ARHGEF2: variants seen among roughly 807,000 people sequenced by gnomAD.
The protein encoded by ARHGEF2 is Rho/Rac guanine nucleotide exchange factor 2, also known as rho guanine nucleotide exchange factor 2.
In ARHGEF2, 22 loss-of-function variants were observed where a neutral mutation model predicts 121.0. The observed-to-expected ratio is 0.18, with a 90% CI of 0.13 to 0.26. ARHGEF2 has a LOEUF of 0.26. Among genes scored for constraint, ARHGEF2 ranks in the 10% least tolerant of loss-of-function variants. ARHGEF2 has a pLI of 1.00. For synonymous variants in ARHGEF2, 487 were observed against 530.0 expected (o/e 0.92, Z 1.11); for missense variants, 907 against 1,336.0 (o/e 0.68, Z 5.01).
rs773863517 is a variant in ARHGEF2, at chr1:155,969,247, C to A, written c.117G>T (p.Gly39=). Reference sequence around the variant, plus strand: ...AAACTGAAATGGTGGTGAAGAGGTGCCCATTGGTATAGCGGGCATCCTTGG... The same window carrying A: ...AAACTGAAATGGTGGTGAAGAGGTGACCATTGGTATAGCGGGCATCCTTGG... ...KEAKDARYTN[G]HLFTTISVSG... Residue 39 remains glycine, a synonymous_variant, in exon 2 of 22, where the codon GGG becomes GGT. Coordinates refer to ENST00000361247, the MANE Select transcript of ARHGEF2 (RefSeq NM_001162383.2). 1 of 1,614,164 alleles carries A rather than the reference C, an allele frequency of 6.2e-7. No homozygotes were observed. The highest frequency in any genetic ancestry group is 1.1e-5 in the South Asian group (1 of 91,082).
chr1:155,964,950 G>T lies in ARHGEF2; in HGVS notation c.724+38C>A, dbSNP rs746177404. On this transcript the variant is annotated intron_variant, in intron 7 of 21. Coordinates refer to ENST00000361247, the MANE Select transcript of ARHGEF2 (RefSeq NM_001162383.2). ...AGAAGGAAGTAGATAAACAGGACCT[G>T]GTGAAGGAAGAGGAAGACTAGGGTG... is the stretch of plus-strand genomic sequence containing the variant. 3 of 1,587,708 alleles carry T rather than the reference G, an allele frequency of 1.9e-6. No individual in the cohort carries two copies. The South Asian group carries it at 3.4e-5, about 18-fold the overall frequency.
At chr1:155,958,194 G>C (rs2275071) in intron 12 of ARHGEF2, 126 bp downstream of exon 12, 1 of 738,540 alleles carries the variant, frequency 1.4e-6, no homozygotes, top group East Asian at 2.7e-5. Context: ...TATTATTACG[G>C]TAATAGTAAC....
At chr1:155,952,882 G>A (rs1046033560) in intron 14 of ARHGEF2, 54 bp from the exon 15 acceptor site, 82 of 1,569,952 alleles carry the variant, frequency 5.2e-5, no homozygotes, top group Admixed American at 1.7e-4. Flanking sequence ...ATGCAAGAGC[G>A]CCAGTAGAGG....
chr1:155,976,812 AGCCT>A (rs1323489236), intron 1 of ARHGEF2, among the ~76,000 whole-genome samples: 8 of 151,832 alleles, frequency 5.3e-5, no homozygotes, highest in Non-Finnish European at 7.4e-5. Context: ...GGCTGTGAAG[AGCCT>A]GTCTGCCACC....
In ARHGEF2 at chr1:155,957,706, C is replaced by A; in HGVS notation, c.1715+7G>T. 1.2e-6 allele frequency: 2 copies of A among 1,605,358 alleles called. No homozygotes were observed. The highest frequency in any genetic ancestry group is 1.7e-5 in the Admixed American group (1 of 58,620). On this transcript the variant is annotated splice_region_variant and intron_variant, in intron 13 of 21. Transcript: ENST00000361247. The stretch of plus-strand genomic sequence containing the variant: ...TAAGCACATGCAGGCGGCAGGCAGA[C>A]ACTCACGTGCGCACGCTCTGCTGAA...
intron 2 of ARHGEF2, 49 bp downstream of exon 2, chr1:155,969,107 G>C (rs763423980): frequency 1.2e-6 from 2 of 1,607,180 alleles, no homozygotes; most frequent in Admixed American, 3.3e-5. Flanking sequence ...AAAAGATCAG[G>C]GTCAGTGGGC....
chr1:155,978,838 T>G, upstream of ARHGEF2: 1 of 982,868 alleles, frequency 1.0e-6, no homozygotes, highest in Non-Finnish European at 1.2e-6. This position sits in a 1 kb window ranked among gnomAD's most constrained non-coding sequence, Gnocchi z 4.1. Flanking sequence ...GGACCCAGGT[T>G]GGCCCTTTCC....
At chr1:155,974,763 G>GGA (rs2102693759) in intron 1 of ARHGEF2, among the ~76,000 whole-genome samples, 1 of 152,182 alleles carries the variant, frequency 6.6e-6, no homozygotes, top group African/African-American at 2.4e-5. Flanking sequence ...ATCAGGTTAG[G>GGA]GACCCTGAGA....
At chr1:155,960,482 A>AAG (rs1553241983) in intron 11 of ARHGEF2, among the ~76,000 whole-genome samples, 92 of 150,080 alleles carry the variant, frequency 6.1e-4, no homozygotes, top group South Asian at 2.5e-3. Flanking sequence ...AAAAAAAAAA[A>AAG]AGAGAGAGAA....
chr1:155,979,255 G>A (rs150307879), upstream of ARHGEF2: 13 of 985,552 alleles, frequency 1.3e-5, no homozygotes, highest in Non-Finnish European at 1.6e-5. Context: ...ACTAGGTTGG[G>A]ATTCTCCACT....
At position 155,950,767 on chromosome 1, in the gene ARHGEF2, T is replaced by G; in HGVS notation, c.2703+62A>C. 6.7e-7 allele frequency: 1 copy of G among 1,482,060 alleles called. No individual in the cohort carries two copies. Among genetic ancestry groups the G allele is most frequent in the Non-Finnish European group, 9.1e-7 (1 of 1,103,744 alleles). The allele number at this position is 1,482,060 out of a possible 1,614,324, so 91.8% of individuals were successfully genotyped here. A position where few individuals can be genotyped will look rare whatever the true frequency, so the allele number is the denominator to read the frequency against. Reference sequence around the variant, plus strand: ...CTCAAATCCCCAATGGCCCAATTTCTTTCGGGCTCCATGGACCCTTATGTC... The same window carrying G: ...CTCAAATCCCCAATGGCCCAATTTCGTTCGGGCTCCATGGACCCTTATGTC... On this transcript the variant is annotated intron_variant, in intron 20 of 21. Transcript: ENST00000361247. This position sits in a 1 kb window ranked among gnomAD's most constrained non-coding sequence, Gnocchi z 5.2.
At position 155,962,307 on chromosome 1, in the gene ARHGEF2, T is replaced by C. The variant is rs1379213631; in HGVS notation, c.1102-85A>G. 5.7e-6 allele frequency: 8 copies of C among 1,404,772 alleles called. No individual in the cohort carries two copies. The highest frequency in any genetic ancestry group is 6.9e-6 in the Non-Finnish European group (7 of 1,008,650). 87.0% of individuals were successfully genotyped at this position (1,404,772 alleles called of 1,614,324 possible). The stretch of plus-strand genomic sequence containing the variant: ...CTGAGCTCTGGTGCTGGCCCTGGCG[T>C]GGCCATTTACCTCATGCTTGCCTAG... On this transcript the variant is annotated intron_variant, in intron 9 of 21. Coordinates refer to ENST00000361247, the MANE Select transcript of ARHGEF2 (RefSeq NM_001162383.2). This position sits in a 1 kb window ranked among gnomAD's most constrained non-coding sequence, Gnocchi z 5.8.
rs1414627355 is a variant in ARHGEF2, at chr1:155,951,149, C to A, written c.2383G>T (p.Val795Leu). The change falls in exon 20 of 22, where the codon GTG becomes TTG. Residue 795 changes from valine (V) to leucine (L), a missense_variant. Val to Leu is a conservative substitution (Grantham distance 32). This residue lies in a region of ARHGEF2 where 432 missense variants were observed against 559.5 expected (regional missense o/e 0.77). Coordinates refer to ENST00000361247, the MANE Select transcript of ARHGEF2 (RefSeq NM_001162383.2). This position sits in a 1 kb window ranked among gnomAD's most constrained non-coding sequence, Gnocchi z 5.1. The part of the protein sequence containing the change: ...GEAGRAGAAP[V>L]APEKQATELA... ...TCCGTGGCCTGCTTTTCAGGGGCCACAGGGGCAGCCCCAGCCCTGCCAGCC... is the reference window on the plus strand; with the variant it reads ...TCCGTGGCCTGCTTTTCAGGGGCCAAAGGGGCAGCCCCAGCCCTGCCAGCC... The A allele has an allele frequency of 6.2e-7, 1 of 1,604,380 alleles. No homozygotes were observed. The highest frequency in any genetic ancestry group is 1.7e-5 in the Admixed American group (1 of 58,834).
chr1:155,953,030 C>T (rs1457509686), intron 14 of ARHGEF2, among the ~76,000 whole-genome samples: 2 of 152,074 alleles, frequency 1.3e-5, no homozygotes, highest in East Asian at 1.9e-4. Context: ...TTTGGGAGGC[C>T]AAGGCAGGTG....
chr1:155,958,910 TG>T (rs1254875925), intron 11 of ARHGEF2, among the ~76,000 whole-genome samples: 1 of 95,942 alleles, frequency 1.0e-5, no homozygotes, highest in Non-Finnish European at 2.0e-5. Flanking sequence ...ACAGTGTGGG[TG>T]GGGGGTGGGG....
At chr1:155,973,882 AG>A (rs1258919484) in intron 1 of ARHGEF2, among the ~76,000 whole-genome samples, 1 of 152,196 alleles carries the variant, frequency 6.6e-6, no homozygotes, top group Non-Finnish European at 1.5e-5. Context: ...ATAAGGGATG[AG>A]GAAACAGTGA....
chr1:155,969,676 G>A (rs1487838815), intron 1 of ARHGEF2: 7 of 1,031,960 alleles, frequency 6.8e-6, no homozygotes, highest in South Asian at 3.9e-5. Context: ...GGGAAGATGC[G>A]CAGAGAGGAG....
In ARHGEF2 at chr1:155,957,824, T is replaced by C. The variant is rs1335519626; in HGVS notation, c.1604A>G (p.Glu535Gly). 6.2e-7 allele frequency: 1 copy of C among 1,614,216 alleles called. No homozygotes were observed. Residue 535 changes from glutamate (E) to glycine (G), a missense_variant, in exon 13 of 22, where the codon GAG (glutamate) becomes GGG (glycine). By Grantham distance (98) the Glu-to-Gly change is moderately conservative (BLOSUM62 -2). Coordinates refer to ENST00000361247, the MANE Select transcript of ARHGEF2 (RefSeq NM_001162383.2). ...TGCGCTGATCAGAAACATCCCTTTCTCCTGGTTGGCAATGTCTCGTACGAT... is the reference window on the plus strand; with the variant it reads ...TGCGCTGATCAGAAACATCCCTTTCCCCTGGTTGGCAATGTCTCGTACGAT... ...NLIVRDIANQ[E>G]KGMFLISAAP...
chr1:155,964,179 T>A (rs1240930981), intron 7 of ARHGEF2, among the ~76,000 whole-genome samples: 32 of 107,700 alleles, frequency 3.0e-4, no homozygotes, highest in African/African-American at 1.2e-3. Flanking sequence ...TATATATATA[T>A]ATATATATAT....
Sources: allele counts gnomAD v4.1 joint callset (sites outside exome capture counted in the v4.1 genomes callset), GRCh38; gene constraint gnomAD v4.1.1; regional missense constraint gnomAD v4.1.1; non-coding constraint Gnocchi (gnomAD v3.1); transcripts MANE v1.5; gene names NCBI Gene and HGNC (gene_info 2026-07-23, HGNC 2026-07-21).